The following RAB3C variants were observed in gnomAD, a reference collection of about 807,000 sequenced individuals.
RAB3C encodes ras-related protein Rab-3C.
In RAB3C, 17 loss-of-function variants were observed where a neutral mutation model predicts 26.4. The ratio of observed to expected loss-of-function variants is 0.64; its 90% CI spans 0.44 to 0.97. RAB3C has a LOEUF of 0.97. Among genes scored for constraint, RAB3C ranks in the 50% least tolerant of loss-of-function variants. The probability of loss-of-function intolerance (pLI) is 0.00; values close to 1 mark genes in which losing one functional copy is unlikely to be tolerated. For missense variants in RAB3C, 242 were observed against 281.9 expected (o/e 0.86, Z 1.01); for synonymous variants, 91 against 95.9 (o/e 0.95, Z 0.30).
intron 2 of RAB3C, among the ~76,000 whole-genome samples, chr5:58,622,171 G>A (rs1251976282): frequency 6.6e-6 from 1 of 152,086 alleles, no homozygotes; most frequent in Admixed American, 6.5e-5. Flanking sequence ...ACTTACTCTG[G>A]GACACAGGAA....
rs765711159 is a variant in RAB3C at position 58,825,086 on chromosome 5, G to A, written c.420G>A (p.Leu140=). 1.9e-6 allele frequency: 3 copies of A among 1,613,446 alleles called. No homozygotes were observed. The Admixed American group carries it at 5.0e-5, about 27-fold the overall frequency. The change falls in exon 4 of 5, where the codon CTG becomes CTA. Residue 140 remains leucine, a synonymous_variant. Coordinates refer to ENST00000282878, the MANE Select transcript of RAB3C (RefSeq NM_138453.4). ...TYSWDNAQVI[L]VGNKCDMEDE... is the part of the protein sequence containing the mutation. ...CTTGGGACAATGCCCAAGTTATTCT[G>A]GTTGGGAACAAGTGTGACATGGAAG...
chr5:58,755,078 C>T (rs1323236664), intron 3 of RAB3C, among the ~76,000 whole-genome samples: 1 of 152,150 alleles, frequency 6.6e-6, no homozygotes, highest in African/African-American at 2.4e-5. Context: ...TCTCTGATCA[C>T]TTATTCAACA....
At chr5:58,832,061 C>T (rs1743624500) in intron 4 of RAB3C, among the ~76,000 whole-genome samples, 2 of 152,176 alleles carry the variant, frequency 1.3e-5, no homozygotes, top group South Asian at 4.1e-4. Flanking sequence ...AGAGAGCCAG[C>T]AGAAGGAAGC....
At chr5:58,717,352 G>GAGATGA (rs1749193530) in intron 2 of RAB3C, among the ~76,000 whole-genome samples, 1 of 152,034 alleles carries the variant, frequency 6.6e-6, no homozygotes, top group African/African-American at 2.4e-5. Context: ...GAAGAGCTGG[G>GAGATGA]AGATGAAGGG....
chr5:58,677,108 C>G (rs568812203), intron 2 of RAB3C, among the ~76,000 whole-genome samples: 103 of 152,282 alleles, frequency 6.8e-4, no homozygotes, highest in Middle Eastern at 3.4e-3. Flanking sequence ...CTTGAGGCAG[C>G]ATAACTCCAG....
At chr5:58,786,420 G>A (rs947792727) in intron 3 of RAB3C, among the ~76,000 whole-genome samples, 4 of 152,114 alleles carry the variant, frequency 2.6e-5, no homozygotes, top group East Asian at 3.9e-4. Context: ...GGGGCTGCCT[G>A]TGGTGGAACA....
Position 58,745,646 on chromosome 5 carries a change from G to A in RAB3C, c.371+19526G>A, listed in dbSNP as rs945623213. ...TAAAGTCCTGGCGGAGGCCAGCCAC[G>A]AGGCAGGTATTTATTAAATGTTAGT... On this transcript the variant is annotated intron_variant, in intron 3 of 4. Coordinates refer to ENST00000282878, the MANE Select transcript of RAB3C (RefSeq NM_138453.4). Among the ~76,000 whole-genome samples, 160 of 152,190 alleles carry A rather than the reference G, an allele frequency of 1.1e-3. 4 individuals carry two copies. The highest frequency in any genetic ancestry group is 5.5e-4 in the African/African-American group (23 of 41,528).
intron 3 of RAB3C, among the ~76,000 whole-genome samples, chr5:58,735,681 C>T (rs1429679891): frequency 6.6e-6 from 1 of 152,152 alleles, no homozygotes; most frequent in African/African-American, 2.4e-5. Flanking sequence ...TGAATGCATT[C>T]TTCTTTTGTC....
chr5:58,710,652 T>G (rs1421266014), intron 2 of RAB3C, among the ~76,000 whole-genome samples: 1 of 144,566 alleles, frequency 6.9e-6, no homozygotes, highest in East Asian at 2.0e-4. Flanking sequence ...ATAGAAATTT[T>G]AAAAAAGAGA....
chr5:58,805,296 C>T (rs541233507), intron 3 of RAB3C, among the ~76,000 whole-genome samples: 2 of 151,856 alleles, frequency 1.3e-5, no homozygotes, highest in Admixed American at 1.3e-4. Flanking sequence ...AGTATAGATA[C>T]CAAGAAGATG....
intron 2 of RAB3C, among the ~76,000 whole-genome samples, chr5:58,687,185 TG>T (rs1339231122): frequency 6.6e-6 from 1 of 152,124 alleles, no homozygotes; most frequent in Non-Finnish European, 1.5e-5. Context: ...GATTGTGGTT[TG>T]TTTTGCCCAC....
intron 2 of RAB3C, among the ~76,000 whole-genome samples, chr5:58,656,550 C>A (rs1052561450): frequency 4.6e-5 from 7 of 152,202 alleles, no homozygotes; most frequent in Non-Finnish European, 1.0e-4. Context: ...ATGCTAAAGT[C>A]AATAAGTCAC....
intron 3 of RAB3C, chr5:58,823,804 C>T (rs1156241070): frequency 6.6e-6 from 1 of 151,652 alleles, no homozygotes; most frequent in East Asian, 1.9e-4. Context: ...TATACATGTG[C>T]CATGCTGGTG....
chr5:58,617,912 T>C (rs1056411064), intron 2 of RAB3C, 42 bp downstream of exon 2: 11 of 1,272,438 alleles, frequency 8.6e-6, no homozygotes, highest in Admixed American at 1.9e-5. Flanking sequence ...GGCTGGGGTG[T>C]TGAACATATC....
At chr5:58,761,070 C>CACACACAT (rs1313370452) in intron 3 of RAB3C, among the ~76,000 whole-genome samples, 6 of 151,816 alleles carry the variant, frequency 4.0e-5, no homozygotes, top group South Asian at 2.1e-4. Flanking sequence ...CTCTCACACA[C>CACACACAT]ACACACACAC....
chr5:58,789,042 C>G (rs565108790), intron 3 of RAB3C, among the ~76,000 whole-genome samples: 4 of 151,922 alleles, frequency 2.6e-5, no homozygotes, highest in Non-Finnish European at 4.4e-5. Flanking sequence ...GGGGTGCATG[C>G]GTGCATGCAG....
At chr5:58,683,497 G>T (rs894900752) in intron 2 of RAB3C, among the ~76,000 whole-genome samples, 8 of 152,040 alleles carry the variant, frequency 5.3e-5, no homozygotes, top group Admixed American at 3.9e-4. Context: ...ATGATGTATT[G>T]GTTTCCTATT....
At chr5:58,582,321 T>C, upstream of RAB3C, 1 of 844,150 alleles carries the variant, frequency 1.2e-6, no homozygotes, top group South Asian at 5.4e-5. Flanking sequence ...CTTTTCATTT[T>C]AGCCCCGCTT....
chr5:58,823,429 C>G (rs551922456), intron 3 of RAB3C: 1 of 160,106 alleles, frequency 6.2e-6, no homozygotes, highest in African/African-American at 2.4e-5. Flanking sequence ...GGGGCTGAGG[C>G]GGGACGATTG....
Sources: gnomAD v4.1 joint callset for allele counts (sites outside exome capture counted in the v4.1 genomes callset) on GRCh38, gnomAD v4.1.1 for gene constraint, MANE v1.5 for transcripts, NCBI Gene and HGNC (gene_info 2026-07-23, HGNC 2026-07-21) for gene names.